CXADR: variants seen among roughly 807,000 people sequenced by gnomAD.
The protein encoded by CXADR is coxsackievirus and adenovirus receptor.
A neutral mutation model predicts 40.3 loss-of-function variants in CXADR; 20 were observed. The observed-to-expected ratio is 0.50, with a 90% CI of 0.35 to 0.72. CXADR has a LOEUF of 0.72. Ranked by LOEUF, CXADR falls within the 30% of genes least tolerant of loss-of-function variation. CXADR has a pLI of 0.01. For missense variants in CXADR, 332 were observed against 449.1 expected (o/e 0.74, Z 2.36); for synonymous variants, 150 against 161.3 (o/e 0.93, Z 0.53).
At chr21:17,601,821 A>T in the CXADR span, among the ~76,000 whole-genome samples, 1 of 152,358 alleles carries the variant, frequency 6.6e-6, no homozygotes, top group Admixed American at 6.5e-5. Context: ...CTGCCTTTGT[A>T]AACAGAAACC....
intron 2 of CXADR, among the ~76,000 whole-genome samples, chr21:17,548,277 G>A (rs1464300048): frequency 1.3e-5 from 2 of 152,026 alleles, no homozygotes; most frequent in Non-Finnish European, 2.9e-5. Context: ...AAACCCAGTC[G>A]GTTTGCCCTT....
rs973832194 is a variant in CXADR at position 17,576,037 on chromosome 21, G to A, written c.1017+10426G>A. On this transcript the variant is annotated intron_variant, in intron 7 of 7. Coordinates refer to the CXADR transcript ENST00000400169. ...TGGGAGGCAGAGGTTGCAGTGAGCC[G>A]AGATCACGCCACTGCACTCCAGCCT... is the stretch of plus-strand genomic sequence containing the variant. Among the ~76,000 whole-genome samples the A allele has an allele frequency of 2.8e-5, 4 of 143,264 alleles. No individual in the cohort carries two copies. In the East Asian group the frequency reaches 8.3e-4, roughly 30 times the overall value. The allele number at this position is 143,264 out of a possible 152,430, so 94.0% of individuals were successfully genotyped here.
At chr21:17,530,740 G>A (rs1189858576) in intron 1 of CXADR, among the ~76,000 whole-genome samples, 2 of 152,180 alleles carry the variant, frequency 1.3e-5, no homozygotes, top group Non-Finnish European at 2.9e-5. Flanking sequence ...CTTGAGCCCA[G>A]GAGGCAGAGG....
intron 6 of CXADR, among the ~76,000 whole-genome samples, chr21:17,562,384 C>A (rs578076561): frequency 1.8e-4 from 27 of 152,300 alleles, no homozygotes; most frequent in African/African-American, 6.3e-4. Context: ...TGGAGTGATA[C>A]AATTATGGCC....
At position 17,541,077 on chromosome 21, in the gene CXADR, G is replaced by A. The variant is rs115729400; in HGVS notation, c.44-5950G>A. Among the ~76,000 whole-genome samples the A allele has an allele frequency of 5.0e-3, 757 of 151,506 alleles. 7 individuals carry two copies. The highest frequency in any genetic ancestry group is 0.018 in the African/African-American group (728 of 41,258). ...CAACATCTCCCTCGCTTGTCAACAC[G>A]CCCCCCACCAGAGTGTACCTTGTTA... On this transcript the variant is annotated intron_variant, in intron 1 of 6. Transcript: ENST00000284878.
chr21:17,582,126 TG>T (rs11321418), intron 7 of CXADR, among the ~76,000 whole-genome samples: 151,834 of 151,836 alleles, frequency 1, 75,916 homozygotes, highest in Middle Eastern at 1. Flanking sequence ...TAGCTAGGAG[TG>T]GGAATCTAGG....
downstream of CXADR, among the ~76,000 whole-genome samples, chr21:17,575,040 C>T (rs2061310343): frequency 1.3e-5 from 2 of 150,234 alleles, no homozygotes; most frequent in Non-Finnish European, 3.0e-5. Flanking sequence ...TACATACATA[C>T]ATACATACAT....
chr21:17,596,083 CCTTT>C (rs1160586183), downstream of CXADR, among the ~76,000 whole-genome samples: 1 of 151,890 alleles, frequency 6.6e-6, no homozygotes, highest in African/African-American at 2.4e-5. Flanking sequence ...CTCCTCCTGC[CCTTT>C]TTTTGAGATT....
chr21:17,593,351 C>A, exon 8 of CXADR: 1 of 627,270 alleles, frequency 1.6e-6, no homozygotes, highest in Non-Finnish European at 2.3e-6. Flanking sequence ...ACATGTAAGT[C>A]AGATGTCATG....
chr21:17,622,996 ACT>A, the CXADR span, among the ~76,000 whole-genome samples: 96 of 151,462 alleles, frequency 6.3e-4, no homozygotes, highest in African/African-American at 2.2e-3. Context: ...TTAAGTGATG[ACT>A]CTTTTTTTTT....
Position 17,567,521 on chromosome 21 carries a change from T to G in CXADR, c.*1829T>G, listed in dbSNP as rs1036795184. On this transcript the variant is annotated 3_prime_UTR_variant, in exon 7 of 7. Coordinates refer to ENST00000284878, the MANE Select transcript of CXADR (RefSeq NM_001338.5). ...TACTGTTTCTAAAAACACATCACTG[T>G]GATACCTTTCTATCCTCACATTTTC... 2 of 985,426 alleles carry G rather than the reference T, an allele frequency of 2.0e-6. No homozygotes were observed. Among genetic ancestry groups the G allele is most frequent in the Non-Finnish European group, 2.4e-6 (2 of 829,900 alleles). The allele number at this position is 985,426 out of a possible 1,614,324, so 61.0% of individuals were successfully genotyped here.
downstream of CXADR, chr21:17,593,657 G>A (rs2061464605): frequency 6.1e-6 from 1 of 162,834 alleles, no homozygotes; most frequent in Admixed American, 6.4e-5. Flanking sequence ...GCGTTGTCAT[G>A]CCTCAAACTA....
intron 1 of CXADR, among the ~76,000 whole-genome samples, chr21:17,540,678 G>A (rs192068532): frequency 6.6e-6 from 1 of 152,296 alleles, no homozygotes; most frequent in East Asian, 1.9e-4. Context: ...GCATCAGTGA[G>A]TAATATCCTT....
At position 17,569,685 on chromosome 21, in the gene CXADR, T is replaced by A. The variant is rs2061259793; in HGVS notation, c.*3993T>A. On this transcript the variant is annotated 3_prime_UTR_variant, in exon 7 of 7. Coordinates refer to ENST00000284878, the MANE Select transcript of CXADR (RefSeq NM_001338.5). ...AACCCCAGCCTCTTATTCATTATGG[T>A]TAACTTTTATAATTTATCTTATTTT... 1.0e-6 allele frequency: 1 copy of A among 969,204 alleles called. No individual in the cohort carries two copies. The highest frequency in any genetic ancestry group is 4.8e-5 in the South Asian group (1 of 20,950). 60.0% of individuals were successfully genotyped at this position (969,204 alleles called of 1,614,324 possible).
chr21:17,593,243 A>G (rs984695443), exon 8 of CXADR: 4 of 1,362,616 alleles, frequency 2.9e-6, no homozygotes, highest in Non-Finnish European at 3.8e-6. Context: ...ACTTTATTTT[A>G]GGCCTCTAGT....
At chr21:17,594,918 AAAT>A (rs1193905173), downstream of CXADR, among the ~76,000 whole-genome samples, 2 of 152,048 alleles carry the variant, frequency 1.3e-5, no homozygotes, top group African/African-American at 2.4e-5. Context: ...CTGGGTGATG[AAAT>A]AATATGTACA....
rs942136245 is a variant in CXADR at position 17,567,987 on chromosome 21, G to C, written c.*2295G>C. On this transcript the variant is annotated 3_prime_UTR_variant, in exon 7 of 7. Transcript: ENST00000284878. ...TCTGTCAGCCAAATAGTACCAATAC[G>C]TTTTCAAGTAGTTCTCACTGATAAT... The C allele has an allele frequency of 7.1e-6, 7 of 984,674 alleles. No homozygotes were observed. In the South Asian group the frequency reaches 2.8e-4, roughly 40 times the overall value. 61.0% of individuals were successfully genotyped at this position (984,674 alleles called of 1,614,324 possible).
chr21:17,599,413 C>G, the CXADR span, among the ~76,000 whole-genome samples: 3 of 149,930 alleles, frequency 2.0e-5, no homozygotes, highest in Non-Finnish European at 4.4e-5. Context: ...CTCCTAGGCT[C>G]AAGAGATCCA....
At chr21:17,597,626 TATATAC>T (rs201457103), downstream of CXADR, among the ~76,000 whole-genome samples, 26 of 152,100 alleles carry the variant, frequency 1.7e-4, no homozygotes, top group African/African-American at 2.6e-4. Flanking sequence ...AGGTACATGT[TATATAC>T]ATATACATAT....
Sources: allele counts gnomAD v4.1 joint callset (sites outside exome capture counted in the v4.1 genomes callset), GRCh38; gene constraint gnomAD v4.1.1; transcripts MANE v1.5; gene names NCBI Gene and HGNC (gene_info 2026-07-23, HGNC 2026-07-21).